KRT2: variants seen among roughly 807,000 people sequenced by gnomAD.
KRT2 encodes keratin, type II cytoskeletal 2 epidermal.
A neutral mutation model predicts 48.5 loss-of-function variants in KRT2; 37 were observed. The ratio of observed to expected loss-of-function variants is 0.76; its 90% CI spans 0.59 to 1.00. The LOEUF is 1.00. Among genes scored for constraint, KRT2 ranks in the 50% least tolerant of loss-of-function variants. The pLI, the probability that KRT2 is intolerant of heterozygous loss-of-function variation, is 0.00. For missense variants in KRT2, 880 were observed against 815.2 expected (o/e 1.08, Z -0.97); for synonymous variants, 324 against 312.2 (o/e 1.04, Z -0.40).
intron 5 of KRT2, 59 bp downstream of exon 5, chr12:52,648,114 G>C: frequency 6.4e-7 from 1 of 1,570,722 alleles, no homozygotes; most frequent in East Asian, 2.2e-5. Context: ...TTTCCAGCTG[G>C]GGGTGCAACC....
Position 52,651,581 on chromosome 12 carries a change from T to C in KRT2, c.562A>G (p.Lys188Glu). The C allele has an allele frequency of 6.2e-7, 1 of 1,614,108 alleles. No homozygotes were observed. Among genetic ancestry groups the C allele is most frequent in the South Asian group, 1.1e-5 (1 of 91,078 alleles). Residue 188 changes from lysine to glutamate, a missense_variant, in exon 1 of 9, where the codon AAA becomes GAA. Transcript: ENST00000309680. Reference sequence around the variant, plus strand: ...ACCTTGTCAATGAAGGAGGCAAATTTGTTGTTGAGAGTTTTGATCTGCTCA... The same window carrying C: ...ACCTTGTCAATGAAGGAGGCAAATTCGTTGTTGAGAGTTTTGATCTGCTCA... ...EREQIKTLNNKFASFIDKVRF... is the reference protein window; with the variant it reads ...EREQIKTLNNEFASFIDKVRF...
chr12:52,648,028 T>C, intron 5 of KRT2, 145 bp downstream of exon 5: 1 of 1,214,138 alleles, frequency 8.2e-7, no homozygotes, highest in Non-Finnish European at 1.2e-6. Context: ...AAGGACTTGG[T>C]GCCATTCTCA....
At position 52,651,553 on chromosome 12, in the gene KRT2, G is replaced by T; in HGVS notation, c.585+5C>A. The T allele has an allele frequency of 6.2e-7, 1 of 1,605,914 alleles. No individual in the cohort carries two copies. The highest frequency in any genetic ancestry group is 8.5e-7 in the Non-Finnish European group (1 of 1,172,510). On this transcript the variant is annotated splice_donor_5th_base_variant and intron_variant, in intron 1 of 8. Coordinates refer to ENST00000309680, the MANE Select transcript of KRT2 (RefSeq NM_000423.3). ...ATCAGTGGGAGCCGTCTTCTCCAGA[G>T]TCACCTTGTCAATGAAGGAGGCAAA...
chr12:52,647,834 C>A lies in KRT2; in HGVS notation c.1144G>T (p.Val382Phe), dbSNP rs764063275. Residue 382 changes from valine (V) to phenylalanine (F), a missense_variant, in exon 6 of 9, where the codon GTC (valine) becomes TTC (phenylalanine). Transcript: ENST00000309680. The stretch of plus-strand genomic sequence containing the variant: ...TTCAGGCTGTCTCCATGTCTCCCGA[C>A]AGTCACCTGGAGCTCCTCATACTGA... ...HSKYEELQVT[V>F]GRHGDSLKEI... 6.2e-7 allele frequency: 1 copy of A among 1,614,130 alleles called. No individual in the cohort carries two copies. Among genetic ancestry groups the A allele is most frequent in the Non-Finnish European group, 8.5e-7 (1 of 1,180,024 alleles).
rs370275805 is a variant in KRT2, at chr12:52,646,916, C to T, written c.1293G>A (p.Gly431=). The T allele has an allele frequency of 5.0e-6, 8 of 1,614,084 alleles. No homozygotes were observed. The African/African-American group carries it at 9.3e-5, about 19-fold the overall frequency. The stretch of plus-strand genomic sequence containing the variant: ...TCCTGGCATCCTTGAGGGCATGCTC[C>T]CCACGCTGCTCGGCATCTGCGATGG... ...QDAIADAEQR[G]EHALKDARNK... The change falls in exon 7 of 9, where the codon GGG becomes GGA. Residue 431 remains glycine, a synonymous_variant. Coordinates refer to ENST00000309680, the MANE Select transcript of KRT2 (RefSeq NM_000423.3).
chr12:52,647,031 A>T, intron 6 of KRT2, 71 bp from the exon 7 acceptor site: 1 of 1,420,570 alleles, frequency 7.0e-7, no homozygotes, highest in Non-Finnish European at 9.9e-7. Context: ...TTCGAAGTGC[A>T]GGAAGCCAGA....
At chr12:52,648,871 G>C in intron 4 of KRT2, 136 bp downstream of exon 4, 2 of 704,622 alleles carry the variant, frequency 2.8e-6, no homozygotes, top group South Asian at 3.0e-5. Flanking sequence ...AGCCCCCCCA[G>C]TGGCCTGGAA....
chr12:52,651,948 GC>G lies in KRT2; in HGVS notation c.194del (p.Gly65AlafsTer71). On this transcript the variant is annotated frameshift_variant, in exon 1 of 9. Transcript: ENST00000309680. LOFTEE classifies it high-confidence loss of function. ...GGGFGSRSLV[G>X]LGGTKSISIS... The stretch of plus-strand genomic sequence containing the variant: ...TGGAGATGCTCTTGGTCCCTCCAAG[GC>G]CAACAAGACTCCGACTGCCAAAGCC... 1 of 1,613,502 alleles carries G rather than the reference GC, an allele frequency of 6.2e-7. No homozygotes were observed. Among genetic ancestry groups the G allele is most frequent in the East Asian group, 2.2e-5 (1 of 44,856 alleles).
chr12:52,650,308 T>A (rs1379351818), intron 2 of KRT2, 31 bp downstream of exon 2: 1 of 1,571,634 alleles, frequency 6.4e-7, no homozygotes, highest in Admixed American at 1.7e-5. Flanking sequence ...GCAATGTTTA[T>A]CTCCACTCAG....
At position 52,647,722 on chromosome 12, in the gene KRT2, G is replaced by A; in HGVS notation, c.1248+8C>T. On this transcript the variant is annotated splice_region_variant and intron_variant, in intron 6 of 8. Transcript: ENST00000309680. ...TCCCGCCCCTCGCTGGACAGGGCTG[G>A]GCCTCACCTGCTTCTTCACATGTGC... 1.9e-6 allele frequency: 3 copies of A among 1,613,526 alleles called. No individual in the cohort carries two copies. Among genetic ancestry groups the A allele is most frequent in the Non-Finnish European group, 2.5e-6 (3 of 1,179,794 alleles).
intron 6 of KRT2, 67 bp from the exon 7 acceptor site, chr12:52,647,027 G>C: frequency 6.8e-7 from 1 of 1,467,964 alleles, no homozygotes; most frequent in African/African-American, 1.4e-5. Context: ...GGTGTTCGAA[G>C]TGCAGGAAGC....
At chr12:52,645,646 C>T (rs940310762) in intron 7 of KRT2, 77 bp from the exon 8 acceptor site, 19 of 1,452,388 alleles carry the variant, frequency 1.3e-5, no homozygotes, top group South Asian at 5.7e-5. Context: ...CACTTCCACC[C>T]GCAAATGTGC....
At chr12:52,646,499 T>C (rs994312746) in intron 7 of KRT2, among the ~76,000 whole-genome samples, 4 of 152,256 alleles carry the variant, frequency 2.6e-5, no homozygotes, top group Non-Finnish European at 5.9e-5. Flanking sequence ...CCAGGATGTT[T>C]AACTTACTGC....
intron 5 of KRT2, 127 bp downstream of exon 5, chr12:52,648,046 T>C: frequency 1.6e-6 from 2 of 1,267,502 alleles, no homozygotes; most frequent in Non-Finnish European, 2.3e-6. Flanking sequence ...TCAACATCCT[T>C]TCTTGGGAAT....
chr12:52,646,736 T>TCACCTG lies in KRT2; in HGVS notation c.1467_1469+3dup. On this transcript the variant is annotated splice_donor_region_variant and intron_variant, in intron 7 of 8. Transcript: ENST00000309680. Reference sequence around the variant, plus strand: ...GTCCCCTTCTCCCTTCCCAGTGCCCTCACCTGCACTCCTCGCCCTCCAGCA... The same window carrying TCACCTG: ...GTCCCCTTCTCCCTTCCCAGTGCCCTCACCTGCACCTGCACTCCTCGCCCTCCAGCA... 1 of 1,613,932 alleles carries TCACCTG rather than the reference T, an allele frequency of 6.2e-7. No individual in the cohort carries two copies. Among genetic ancestry groups the TCACCTG allele is most frequent in the Non-Finnish European group, 8.5e-7 (1 of 1,179,872 alleles).
rs146662984 is a variant in KRT2, at chr12:52,650,240, C to T, written c.800+99G>A. The T allele has an allele frequency of 7.8e-4, 810 of 1,039,252 alleles. 3 individuals carry two copies. In the African/African-American group the frequency reaches 0.012, roughly 15 times the overall value. The allele number at this position is 1,039,252 out of a possible 1,614,324, so 64.4% of individuals were successfully genotyped here. A position where few individuals can be genotyped will look rare whatever the true frequency, so the allele number is the denominator to read the frequency against. On this transcript the variant is annotated intron_variant, in intron 2 of 8. Transcript: ENST00000309680. The stretch of plus-strand genomic sequence containing the variant: ...AGATACATATGCCTCTCCCCATTAC[C>T]ACCACAAATGCAACTGGGAGATGAA...
chr12:52,647,035 A>T, intron 6 of KRT2, 75 bp from the exon 7 acceptor site: 1 of 1,378,524 alleles, frequency 7.3e-7, no homozygotes, highest in Non-Finnish European at 1.0e-6. Flanking sequence ...AAGTGCAGGA[A>T]GCCAGAACCA....
In KRT2 at chr12:52,647,759, G is replaced by T; in HGVS notation, c.1219C>A (p.Gln407Lys). ...SELNRVIQRL[Q>K]GEIAHVKKQC... ...TTCTTCACATGTGCGATCTCCCCCT[G>T]CAGCCTCTGGATCACGCGGTTCAGC... The change falls in exon 6 of 9, where the codon CAG becomes AAG. Residue 407 changes from glutamine (Q) to lysine (K), a missense_variant. Transcript: ENST00000309680. 1 of 1,613,904 alleles carries T rather than the reference G, an allele frequency of 6.2e-7. No individual in the cohort carries two copies. Among genetic ancestry groups the T allele is most frequent in the South Asian group, 1.1e-5 (1 of 90,986 alleles).
chr12:52,650,722 G>T, intron 1 of KRT2, 169 bp from the exon 2 acceptor site: 1 of 686,692 alleles, frequency 1.5e-6, no homozygotes, highest in Non-Finnish European at 2.6e-6. Flanking sequence ...TTCGCCCCTG[G>T]AAAGTCCCAC....
Sources: allele counts gnomAD v4.1 joint callset (sites outside exome capture counted in the v4.1 genomes callset), GRCh38; gene constraint gnomAD v4.1.1; transcripts MANE v1.5; gene names NCBI Gene and HGNC (gene_info 2026-07-23, HGNC 2026-07-21).